INTS1: variants seen among roughly 807,000 people sequenced by gnomAD.
INTS1 encodes integrator complex subunit 1.
A neutral mutation model predicts 241.6 loss-of-function variants in INTS1; 137 were observed. That is an observed-to-expected ratio of 0.57 (90% CI 0.49 to 0.65). The LOEUF (loss-of-function observed/expected upper bound fraction) is 0.65, where lower values mean the gene tolerates loss of function less well. Ranked by LOEUF, INTS1 falls within the 30% of genes least tolerant of loss-of-function variation. INTS1 has a pLI of 0.00. For synonymous variants in INTS1, 1,692 were observed against 1,337.8 expected (o/e 1.26, Z -5.78); for missense variants, 3,073 against 3,032.2 (o/e 1.01, Z -0.32).
At position 1,474,105 on chromosome 7, in the gene INTS1, C is replaced by A. The variant is rs544923563; in HGVS notation, c.5829+63G>T. The stretch of plus-strand genomic sequence containing the variant: ...CCAGTCCCTCCGCGAGTGGGTGAGG[C>A]AGGCCTGGGCCAGAGCAGAGGGAGT... On this transcript the variant is annotated intron_variant, in intron 41 of 47. Coordinates refer to ENST00000404767, the MANE Select transcript of INTS1 (RefSeq NM_001080453.3). The A allele has an allele frequency of 6.8e-5, 101 of 1,476,110 alleles. 1 individual carries two copies. The Admixed American group carries it at 2.3e-3, about 33-fold the overall frequency. 91.4% of individuals were successfully genotyped at this position (1,476,110 alleles called of 1,614,324 possible).
At position 1,476,448 on chromosome 7, in the gene INTS1, C is replaced by T. The variant is rs781663701; in HGVS notation, c.5159G>A (p.Arg1720Gln). 7.6e-5 allele frequency: 119 copies of T among 1,570,108 alleles called. No homozygotes were observed. Among genetic ancestry groups the T allele is most frequent in the South Asian group, 1.7e-4 (15 of 87,304 alleles). Residue 1720 changes from arginine to glutamine, a missense_variant, in exon 38 of 48, where the codon CGG becomes CAG. By Grantham distance (43) the Arg-to-Gln change is conservative. Coordinates refer to ENST00000404767, the MANE Select transcript of INTS1 (RefSeq NM_001080453.3). ...GRDQRTPQKR[R>Q]EELVLRVQGP... is the part of the protein sequence containing the mutation. ...CTGGACCCGCAGCACCAGCTCCTCC[C>T]GCCGCTTCTGTAACGGGTGCCTGCA...
intron 39 of INTS1, 53 bp from the exon 40 acceptor site, chr7:1,474,891 A>G: frequency 6.5e-7 from 1 of 1,532,006 alleles, no homozygotes; most frequent in Non-Finnish European, 8.8e-7. Context: ...TCACTTGCCC[A>G]CCCACACTCA....
intron 18 of INTS1, 135 bp downstream of exon 18, chr7:1,489,209 G>T: frequency 6.8e-6 from 1 of 147,924 alleles, no homozygotes; most frequent in South Asian, 2.0e-4. Flanking sequence ...CAGAAGCTCA[G>T]GTCCATGAGT....
In INTS1 at chr7:1,493,688, C is replaced by G. The variant is rs1782701908; in HGVS notation, c.2068+66G>C. 8.0e-6 allele frequency: 12 copies of G among 1,497,348 alleles called. No homozygotes were observed. Among genetic ancestry groups the G allele is most frequent in the African/African-American group, 1.4e-5 (1 of 71,738 alleles). 92.8% of individuals were successfully genotyped at this position (1,497,348 alleles called of 1,614,324 possible). A position where few individuals can be genotyped will look rare whatever the true frequency, so the allele number is the denominator to read the frequency against. On this transcript the variant is annotated intron_variant, in intron 15 of 47. Transcript: ENST00000404767. This position sits in a 1 kb window ranked among gnomAD's most constrained non-coding sequence, Gnocchi z 5.3. ...AGCGCCCCAGAGGTGCGTGCCAGAG[C>G]CGGGGTTTCTGCAGGGACGAGGGGA...
chr7:1,480,190 G>A, intron 30 of INTS1, 127 bp downstream of exon 30: 1 of 1,109,290 alleles, frequency 9.0e-7, no homozygotes, highest in Non-Finnish European at 1.3e-6. Context: ...AGGCCGCTGT[G>A]CGTGTGCAGC....
chr7:1,477,689 G>A lies in INTS1; in HGVS notation c.4815-16C>T. The A allele has an allele frequency of 2.5e-6, 4 of 1,600,164 alleles. No homozygotes were observed. Among genetic ancestry groups the A allele is most frequent in the Non-Finnish European group, 2.6e-6 (3 of 1,173,194 alleles). ...GGCCTCCAGGCTGCAGGGAGAAGGTGGCTCAGGGAAGGGCTGGTGCCACCC... is the reference window on the plus strand; with the variant it reads ...GGCCTCCAGGCTGCAGGGAGAAGGTAGCTCAGGGAAGGGCTGGTGCCACCC... On this transcript the variant is annotated splice_polypyrimidine_tract_variant and intron_variant, in intron 34 of 47. Transcript: ENST00000404767.
In INTS1 at chr7:1,479,581, T is replaced by C; in HGVS notation, c.4178A>G (p.Gln1393Arg). The C allele has an allele frequency of 6.5e-7, 1 of 1,543,666 alleles. No individual in the cohort carries two copies. Among genetic ancestry groups the C allele is most frequent in the South Asian group, 1.2e-5 (1 of 83,918 alleles). ...ALGQELARVV[Q>R]GSPEVPGITV... ...GATGCCCGGCACCTCGGGGCTGCCC[T>C]GGACGACGCGGGCCAGCTCCTGGCC... Residue 1393 changes from glutamine to arginine, a missense_variant, in exon 31 of 48, where the codon CAG becomes CGG. By Grantham distance (43) the Gln-to-Arg change is conservative. Transcript: ENST00000404767.
In INTS1 at chr7:1,470,427, G is replaced by A. The variant is rs1049728328; in HGVS notation, c.*150C>T. ...CGGCCCGGAGCCACCCCAGGGCTCG[G>A]AGTATTGCTCCTGGGCCTGCCTGGC... is the stretch of plus-strand genomic sequence containing the variant. On this transcript the variant is annotated 3_prime_UTR_variant, in exon 48 of 48. Transcript: ENST00000404767. 8 of 579,164 alleles carry A rather than the reference G, an allele frequency of 1.4e-5. No individual in the cohort carries two copies. The highest frequency in any genetic ancestry group is 2.3e-5 in the Non-Finnish European group (8 of 343,102). The allele number at this position is 579,164 out of a possible 1,614,324, so 35.9% of individuals were successfully genotyped here. A position where few individuals can be genotyped will look rare whatever the true frequency, so the allele number is the denominator to read the frequency against.
chr7:1,485,266 C>T (rs369980118), intron 23 of INTS1, 24 bp downstream of exon 23: 36 of 1,598,356 alleles, frequency 2.3e-5, no homozygotes, highest in Middle Eastern at 3.3e-4. Context: ...CTTTCCCTGC[C>T]GCGGCCCCGG....
intron 24 of INTS1, 46 bp from the exon 25 acceptor site, chr7:1,484,216 C>T: frequency 1.9e-6 from 3 of 1,569,150 alleles, no homozygotes; most frequent in Admixed American, 3.5e-5. Flanking sequence ...GACAGCTCTG[C>T]TCTCCGGCCA....
Position 1,481,569 on chromosome 7 carries a change from C to T in INTS1, c.3704-81G>A, listed in dbSNP as rs1781999451. ...GACCCCACCCGAGACCTGGGGCTGC[C>T]TGTGTGCAGTGACCCCACCCACCTG... On this transcript the variant is annotated intron_variant, in intron 27 of 47. Transcript: ENST00000404767. This position sits in a 1 kb window ranked among gnomAD's most constrained non-coding sequence, Gnocchi z 6.8. 3.9e-5 allele frequency: 57 copies of T among 1,446,842 alleles called. 1 individual carries two copies. The South Asian group carries it at 7.2e-4, about 18-fold the overall frequency. 89.6% of individuals were successfully genotyped at this position (1,446,842 alleles called of 1,614,324 possible). A position where few individuals can be genotyped will look rare whatever the true frequency, so the allele number is the denominator to read the frequency against.
At chr7:1,474,632 G>A (rs1781627099) in intron 40 of INTS1, 73 bp downstream of exon 40, 1 of 1,478,630 alleles carries the variant, frequency 6.8e-7, no homozygotes, top group Non-Finnish European at 9.0e-7. Context: ...TGCTCTTGTT[G>A]CCCAGGCTGG....
rs1053119847 is a variant in INTS1 at position 1,476,650 on chromosome 7, G to A, written c.5071C>T (p.Pro1691Ser). The change falls in exon 37 of 48, where the codon CCC (proline) becomes TCC (serine). Residue 1691 changes from proline to serine, a missense_variant. By Grantham distance (74) the Pro-to-Ser change is moderately conservative. Coordinates refer to ENST00000404767, the MANE Select transcript of INTS1 (RefSeq NM_001080453.3). ...LGKSREQRFD[P>S]SASLDFLWAC... Reference sequence around the variant, plus strand: ...CAGAGGAAGTCCAGAGAGGCAGAGGGGTCGAACCTGTGGGGAGGCAAAGGT... The same window carrying A: ...CAGAGGAAGTCCAGAGAGGCAGAGGAGTCGAACCTGTGGGGAGGCAAAGGT... 8.1e-6 allele frequency: 13 copies of A among 1,612,584 alleles called. No individual in the cohort carries two copies. Among genetic ancestry groups the A allele is most frequent in the South Asian group, 7.7e-5 (7 of 91,090 alleles).
rs761655587 is a variant in INTS1 at position 1,503,913 on chromosome 7, G to C, written c.48C>G (p.Ala16=). 6.4e-7 allele frequency: 1 copy of C among 1,566,690 alleles called. No individual in the cohort carries two copies. The highest frequency in any genetic ancestry group is 1.2e-5 in the South Asian group (1 of 85,922). Residue 16 remains alanine (A), a synonymous_variant, in exon 2 of 48, where the codon GCC becomes GCG. Transcript: ENST00000404767. The part of the protein sequence containing the change: ...PTTVRRPSAA[A]KPSGHPPPGD... ...AGGAGGGAGACGCACCTGAGGGTTT[G>C]GCCGCGGCGCTGGGCCGGCGCACCG... is the stretch of plus-strand genomic sequence containing the variant.
intron 18 of INTS1, among the ~76,000 whole-genome samples, chr7:1,489,002 A>C (rs955565870): frequency 1.3e-5 from 2 of 151,988 alleles, no homozygotes; most frequent in Non-Finnish European, 2.9e-5. Flanking sequence ...CTCTGGCCGG[A>C]TTCTCTTGCC....
rs1173723921 is a variant in INTS1 at position 1,499,540 on chromosome 7, G to A, written c.777C>T (p.Thr259=). Reference sequence around the variant, plus strand: ...GCAGCACGCTCCTGGGGGGCATTCTGGTGTTGAAGGCCGTCTGGATGTTGT... The same window carrying A: ...GCAGCACGCTCCTGGGGGGCATTCTAGTGTTGAAGGCCGTCTGGATGTTGT... The part of the protein sequence containing the change: ...FVDNIQTAFN[T]RMPPRSVLLQ... The change falls in exon 6 of 48, where the codon ACC becomes ACT. Residue 259 remains threonine (T), a synonymous_variant. Coordinates refer to ENST00000404767, the MANE Select transcript of INTS1 (RefSeq NM_001080453.3). 85 of 1,613,112 alleles carry A rather than the reference G, an allele frequency of 5.3e-5. No individual in the cohort carries two copies. Among genetic ancestry groups the A allele is most frequent in the Non-Finnish European group, 7.0e-5 (82 of 1,179,616 alleles).
chr7:1,500,545 A>G (rs1290834034), intron 3 of INTS1, among the ~76,000 whole-genome samples, 179 bp from the exon 4 acceptor site: 1 of 152,078 alleles, frequency 6.6e-6, no homozygotes, highest in African/African-American at 2.4e-5. Flanking sequence ...TGGTCCCCTT[A>G]ATACAACAGG....
rs370380149 is a variant in INTS1 at position 1,478,427 on chromosome 7, G to C, written c.4569C>G (p.Ala1523=). ...DLEVVSSTVR[A]VIATLRSGEQ... ...CCCCAGACCTCAGGGTGGCGATGACGGCACGGACGGTGGAGCTGACCACCT... is the reference window on the plus strand; with the variant it reads ...CCCCAGACCTCAGGGTGGCGATGACCGCACGGACGGTGGAGCTGACCACCT... Residue 1523 remains alanine (A), a synonymous_variant, in exon 33 of 48, where the codon GCC becomes GCG. Transcript: ENST00000404767. 3 of 1,612,622 alleles carry C rather than the reference G, an allele frequency of 1.9e-6. No individual in the cohort carries two copies. Among genetic ancestry groups the C allele is most frequent in the East Asian group, 4.5e-5 (2 of 44,868 alleles).
intron 24 of INTS1, 113 bp from the exon 25 acceptor site, chr7:1,484,283 G>T: frequency 1.8e-6 from 2 of 1,136,078 alleles, no homozygotes; most frequent in Non-Finnish European, 2.5e-6. Flanking sequence ...AGGGCCCGCG[G>T]CACCGCAGAC....
Sources: gnomAD v4.1 joint callset for allele counts (sites outside exome capture counted in the v4.1 genomes callset) on GRCh38, gnomAD v4.1.1 for gene constraint, Gnocchi (gnomAD v3.1) non-coding constraint, MANE v1.5 for transcripts, NCBI Gene and HGNC (gene_info 2026-07-23, HGNC 2026-07-21) for gene names.